The following SNTG2 variants were observed in gnomAD, a reference collection of about 807,000 sequenced individuals.
SNTG2 encodes syntrophin gamma 2.
In SNTG2, 74 loss-of-function variants were observed where a neutral mutation model predicts 70.9. That is an observed-to-expected ratio of 1.04 (90% confidence interval 0.86 to 1.27). SNTG2 has a LOEUF of 1.27. Among genes scored for constraint, SNTG2 ranks in the 50% most tolerant of loss-of-function variants. SNTG2 has a pLI of 0.00. For missense variants in SNTG2, 717 were observed against 690.7 expected (o/e 1.04, Z -0.43); for synonymous variants, 278 against 273.8 (o/e 1.02, Z -0.15).
chr2:1,171,206 G>A (rs28449610), intron 7 of SNTG2, among the ~76,000 whole-genome samples: 48,343 of 151,956 alleles, frequency 0.32, 8,250 homozygotes, highest in East Asian at 0.66. Flanking sequence ...TCACATTTCT[G>A]TTCTGGGATA....
chr2:1,133,730 C>T (rs752298416), intron 4 of SNTG2, among the ~76,000 whole-genome samples: 1 of 152,148 alleles, frequency 6.6e-6, no homozygotes, highest in African/African-American at 2.4e-5. Context: ...AAGTGTCCGT[C>T]AGCTGAAACA....
chr2:981,473 A>C (rs1193713448), intron 1 of SNTG2, among the ~76,000 whole-genome samples: 1 of 150,540 alleles, frequency 6.6e-6, no homozygotes, highest in East Asian at 1.9e-4. Flanking sequence ...ACACATGCTC[A>C]CACATGCACA....
intron 8 of SNTG2, among the ~76,000 whole-genome samples, chr2:1,183,236 G>T (rs1672033744): frequency 7.4e-6 from 1 of 135,006 alleles, no homozygotes; most frequent in Non-Finnish European, 1.6e-5. Context: ...ATAACACAAT[G>T]TTGCTATCTA....
At chr2:1,245,792 G>T (rs759297780) in intron 11 of SNTG2, among the ~76,000 whole-genome samples, 1 of 152,212 alleles carries the variant, frequency 6.6e-6, no homozygotes, top group Non-Finnish European at 1.5e-5. Flanking sequence ...TTACACATCA[G>T]TGGCTTTTCC....
chr2:1,098,723 G>A (rs899087079), intron 4 of SNTG2, among the ~76,000 whole-genome samples: 32 of 152,160 alleles, frequency 2.1e-4, no homozygotes, highest in Admixed American at 2.6e-4. Flanking sequence ...TTTAAAAATC[G>A]AGGAGAATTA....
intron 14 of SNTG2, among the ~76,000 whole-genome samples, chr2:1,272,463 TA>T (rs577563977): frequency 0.011 from 561 of 51,874 alleles, 24 homozygotes; most frequent in East Asian, 0.078. Flanking sequence ...CTGGTACTGG[TA>T]AAAAAAAAAA....
At chr2:1,334,242 A>T (rs1659682353) in intron 16 of SNTG2, among the ~76,000 whole-genome samples, 1 of 152,266 alleles carries the variant, frequency 6.6e-6, no homozygotes, top group Non-Finnish European at 1.5e-5. Context: ...ACCACAACAT[A>T]TAAGCTACCT....
chr2:1,053,573 C>G (rs1002803017), intron 1 of SNTG2, among the ~76,000 whole-genome samples: 2 of 147,526 alleles, frequency 1.4e-5, no homozygotes, highest in African/African-American at 5.0e-5. Context: ...ATTTCTATGC[C>G]TTTTTATTGT....
intron 1 of SNTG2, among the ~76,000 whole-genome samples, chr2:1,051,363 AC>A (rs1239347492): frequency 1.3e-5 from 2 of 152,146 alleles, no homozygotes; most frequent in African/African-American, 4.8e-5. Flanking sequence ...TCTTTTGTAG[AC>A]GTCTCTAACC....
chr2:1,070,327 G>A (rs1462760821), intron 1 of SNTG2, among the ~76,000 whole-genome samples: 1 of 152,070 alleles, frequency 6.6e-6, no homozygotes, highest in East Asian at 1.9e-4. Flanking sequence ...GTGGGCTCCC[G>A]TTCAGATGCC....
chr2:1,222,107 C>CTCTGTT lies in SNTG2; in HGVS notation c.719+12880_719+12881insGTTTCT, dbSNP rs1553362302. ...TCTGTCTCTCTCTGTCTCTCTCTGT[C>CTCTGTT]TCTCTCTGTCTCTCTCTGTCTCTCT... On this transcript the variant is annotated intron_variant, in intron 9 of 16. Coordinates refer to ENST00000308624, the MANE Select transcript of SNTG2 (RefSeq NM_018968.4). 9.9e-5 allele frequency among the ~76,000 whole-genome samples: 7 copies of CTCTGTT among 70,618 alleles called. 1 individual carries two copies. Among genetic ancestry groups the CTCTGTT allele is most frequent in the African/African-American group, 6.0e-5 (1 of 16,686 alleles). 46.3% of individuals were successfully genotyped at this position (70,618 alleles called of 152,430 possible). A position where few individuals can be genotyped will look rare whatever the true frequency, so the allele number is the denominator to read the frequency against.
At chr2:1,017,490 G>A (rs1659936936) in intron 1 of SNTG2, among the ~76,000 whole-genome samples, 1 of 152,162 alleles carries the variant, frequency 6.6e-6, no homozygotes, top group African/African-American at 2.4e-5. Context: ...ATGCACACAT[G>A]TAGAGACACA....
chr2:1,255,833 A>AAAT (rs1558602274), intron 12 of SNTG2, among the ~76,000 whole-genome samples: 1 of 35,740 alleles, frequency 2.8e-5, no homozygotes, highest in Admixed American at 4.1e-4. Context: ...TATATATATA[A>AAAT]ATATATATAA....
intron 4 of SNTG2, among the ~76,000 whole-genome samples, chr2:1,113,843 C>A (rs1041677817): frequency 7.5e-6 from 1 of 132,736 alleles, no homozygotes; most frequent in Admixed American, 7.8e-5. Context: ...TGAGAAGGAT[C>A]GTGTGTACTA....
chr2:1,284,027 G>T (rs1679667631), intron 14 of SNTG2, among the ~76,000 whole-genome samples: 1 of 152,182 alleles, frequency 6.6e-6, no homozygotes, highest in South Asian at 2.1e-4. Context: ...ACCTGCCGTT[G>T]TGAAGAATGA....
intron 7 of SNTG2, 145 bp from the exon 8 acceptor site, chr2:1,172,947 T>G (rs1295366038): frequency 2.9e-6 from 2 of 690,546 alleles, no homozygotes; most frequent in South Asian, 1.8e-5. Flanking sequence ...GAGAGGCCAT[T>G]GGGGATGACC....
At chr2:968,951 A>G (rs377370870) in intron 1 of SNTG2, among the ~76,000 whole-genome samples, 5 of 152,134 alleles carry the variant, frequency 3.3e-5, no homozygotes, top group South Asian at 2.1e-4. Context: ...GCCACTCCCT[A>G]TGTCCAGAGT....
chr2:1,135,638 C>T (rs1259356489), intron 4 of SNTG2, among the ~76,000 whole-genome samples: 1 of 152,200 alleles, frequency 6.6e-6, no homozygotes, highest in Non-Finnish European at 1.5e-5. Context: ...AAAAGAATCG[C>T]TTGAACCCAG....
chr2:1,365,819 G>A (rs1283553831), intron 16 of SNTG2, among the ~76,000 whole-genome samples: 1 of 152,124 alleles, frequency 6.6e-6, no homozygotes, highest in African/African-American at 2.4e-5. Flanking sequence ...ATGCTGTCAG[G>A]GAAGTTTGAA....
Sources: gnomAD v4.1 joint callset for allele counts (sites outside exome capture counted in the v4.1 genomes callset) on GRCh38, gnomAD v4.1.1 for gene constraint, MANE v1.5 for transcripts, NCBI Gene and HGNC (gene_info 2026-07-23, HGNC 2026-07-21) for gene names.